Variants in MYH6 observed in about 807,000 individuals in gnomAD.
MYH6 encodes the protein myosin-6.
A neutral mutation model predicts 223.2 loss-of-function variants in MYH6; 126 were observed. That is an observed-to-expected ratio of 0.56 (90% CI 0.49 to 0.65). The LOEUF (loss-of-function observed/expected upper bound fraction) is 0.65. Among genes scored for constraint, MYH6 ranks in the 30% least tolerant of loss-of-function variants. The pLI, the probability that MYH6 is intolerant of heterozygous loss-of-function variation, is 0.00. For synonymous variants in MYH6, 978 were observed against 1,010.2 expected, an observed-to-expected ratio of 0.97 and a Z score of 0.61; for missense variants, 2,040 against 2,536.4, an observed-to-expected ratio of 0.80 and a Z score of 4.20.
Position 23,393,345 on chromosome 14 carries a change from A to G in MYH6, c.3102T>C (p.Asp1034=), listed in dbSNP as rs777715855. 16 of 1,614,014 alleles carry G rather than the reference A, an allele frequency of 9.9e-6. No individual in the cohort carries two copies. The South Asian group carries it at 1.6e-4, about 17-fold the overall frequency. The change falls in exon 23 of 39, where the codon GAT becomes GAC. Residue 1034 remains aspartate, a synonymous_variant. Transcript: ENST00000405093. ...KSKVKLEQQV[D]DLEGSLEQEK... ...GAGCATGGTTCTTACTACTCACATC[A>G]TCCACCTGCTGCTCCAGCTTGACCT...
intron 20 of MYH6, among the ~76,000 whole-genome samples, chr14:23,394,588 C>T (rs1891339105): frequency 6.6e-6 from 1 of 152,194 alleles, no homozygotes; most frequent in Non-Finnish European, 1.5e-5. Context: ...TTTCTATTCT[C>T]ATAAGAACTT....
At chr14:23,403,537 C>G in intron 9 of MYH6, 91 bp from the exon 10 acceptor site, 2 of 1,240,050 alleles carry the variant, frequency 1.6e-6, no homozygotes, top group Non-Finnish European at 2.4e-6. Context: ...GCAGGGGGCA[C>G]CCACAGCTTG....
Position 23,397,422 on chromosome 14 carries a change from C to A in MYH6, c.1962+121G>T. ...TTTGTGGAATCTACACACTAAAAAA[C>A]GACTACGTAGCCCTAGCTTCTTTCC... is the stretch of plus-strand genomic sequence containing the variant. On this transcript the variant is annotated intron_variant, in intron 16 of 38. Coordinates refer to ENST00000405093, the MANE Select transcript of MYH6 (RefSeq NM_002471.4). 11 of 1,345,814 alleles carry A rather than the reference C, an allele frequency of 8.2e-6. No homozygotes were observed. In the South Asian group the frequency reaches 1.2e-4, roughly 14 times the overall value. The allele number at this position is 1,345,814 out of a possible 1,614,324, so 83.4% of individuals were successfully genotyped here.
At position 23,388,162 on chromosome 14, in the gene MYH6, A is replaced by T; in HGVS notation, c.4352T>A (p.Phe1451Tyr). 4 of 1,612,194 alleles carry T rather than the reference A, an allele frequency of 2.5e-6. No homozygotes were observed. The highest frequency in any genetic ancestry group is 3.4e-6 in the Non-Finnish European group (4 of 1,180,016). ...CCCCCGCCCATGGTCCACCTTGTCA[A>T]AGTTTCTCTGCTTCTTGTCCAGGGC... is the stretch of plus-strand genomic sequence containing the variant. ...AAALDKKQRN[F>Y]DKILAEWKQK... Residue 1451 changes from phenylalanine to tyrosine, a missense_variant, in exon 30 of 39, where the codon TTT becomes TAT. Physicochemically the swap from Phe to Tyr is conservative, Grantham distance 22 (BLOSUM62 3). Coordinates refer to ENST00000405093, the MANE Select transcript of MYH6 (RefSeq NM_002471.4).
chr14:23,405,485 C>T lies in MYH6; in HGVS notation c.346-106G>A. The T allele has an allele frequency of 6.2e-7, 1 of 1,600,150 alleles. No homozygotes were observed. The stretch of plus-strand genomic sequence containing the variant: ...GTTCACTCCAGCTGGCTCTACTCCT[C>T]CTGCAGCTGACTAGGGGTGGAGGGG... On this transcript the variant is annotated intron_variant, in intron 4 of 38. Transcript: ENST00000405093. This position sits in a 1 kb window ranked among gnomAD's most constrained non-coding sequence, Gnocchi z 4.7.
chr14:23,407,650 G>A lies in MYH6; in HGVS notation c.-46-42C>T, dbSNP rs1891830905. 1 of 1,107,796 alleles carries A rather than the reference G, an allele frequency of 9.0e-7. No individual in the cohort carries two copies. The highest frequency in any genetic ancestry group is 2.5e-5 in the South Asian group (1 of 40,386). The allele number at this position is 1,107,796 out of a possible 1,614,324, so 68.6% of individuals were successfully genotyped here. On this transcript the variant is annotated intron_variant, in intron 1 of 38. Coordinates refer to ENST00000405093, the MANE Select transcript of MYH6 (RefSeq NM_002471.4). This position sits in a 1 kb window ranked among gnomAD's most constrained non-coding sequence, Gnocchi z 5.6. ...GCAAGGAACAACAGAGGTAGAGCCG[G>A]GCAGAGAGAAGAACAGATGAGGAGA...
At position 23,400,791 on chromosome 14, in the gene MYH6, C is replaced by T. The variant is rs202096001; in HGVS notation, c.1328G>A (p.Arg443His). ...CTTGGTCTCCAGGGTGGCGTTGATGCGCGTCACCATCCAGTTGAACATCTT... is the reference window on the plus strand; with the variant it reads ...CTTGGTCTCCAGGGTGGCGTTGATGTGCGTCACCATCCAGTTGAACATCTT... ...YEKMFNWMVT[R>H]INATLETKQP... Residue 443 changes from arginine to histidine, a missense_variant, in exon 13 of 39, where the codon CGC becomes CAC. Physicochemically the swap from Arg to His is conservative, Grantham distance 29 (BLOSUM62 0). Transcript: ENST00000405093. 101 of 1,614,064 alleles carry T rather than the reference C, an allele frequency of 6.3e-5. 1 individual carries two copies. Among genetic ancestry groups the T allele is most frequent in the South Asian group, 5.6e-4 (51 of 91,082 alleles).
chr14:23,390,701 GCT>G (rs1891214177), intron 25 of MYH6, among the ~76,000 whole-genome samples: 1 of 152,060 alleles, frequency 6.6e-6, no homozygotes, highest in African/African-American at 2.4e-5. Flanking sequence ...TAGGAATTTG[GCT>G]GAAGCTCCCA....
Position 23,383,339 on chromosome 14 carries a change from G to GGGGGGGGGGGGGCCCCCCCC in MYH6, c.5566-20_5566-19insGGGGGGGGCCCCCCCCCCCC. 3 of 108,168 alleles carry GGGGGGGGGGGGGCCCCCCCC rather than the reference G, an allele frequency of 2.8e-5. No individual in the cohort carries two copies. Among genetic ancestry groups the GGGGGGGGGGGGGCCCCCCCC allele is most frequent in the East Asian group, 4.5e-4 (2 of 4,408 alleles). 6.7% of individuals were successfully genotyped at this position (108,168 alleles called of 1,614,324 possible). ...CCTCTGTCTGGGGGTGGGAGGGTGG[G>GGGGGGGGGGGGGCCCCCCCC]AGAAGCTGGTTTGGAGGGGGAGCAA... On this transcript the variant is annotated intron_variant, in intron 36 of 38. Transcript: ENST00000405093.
At chr14:23,382,723 C>G (rs1323040847) in intron 37 of MYH6, among the ~76,000 whole-genome samples, 161 bp from the exon 38 acceptor site, 5 of 152,204 alleles carry the variant, frequency 3.3e-5, no homozygotes, top group Non-Finnish European at 7.3e-5. Flanking sequence ...GCCTTGCACT[C>G]TTCTCAAACA....
chr14:23,388,625 C>A (rs777708160), intron 29 of MYH6: 8 of 860,370 alleles, frequency 9.3e-6, no homozygotes, highest in African/African-American at 1.6e-5. Flanking sequence ...TCGTCTTATA[C>A]GTGAGCATCA....
At position 23,383,291 on chromosome 14, in the gene MYH6, C is replaced by T. The variant is rs1304528691; in HGVS notation, c.5595G>A (p.Arg1865=). 1 of 1,361,236 alleles carries T rather than the reference C, an allele frequency of 7.3e-7. No homozygotes were observed. The highest frequency in any genetic ancestry group is 2.0e-5 in the Admixed American group (1 of 50,766). The allele number at this position is 1,361,236 out of a possible 1,614,324, so 84.3% of individuals were successfully genotyped here. A position where few individuals can be genotyped will look rare whatever the true frequency, so the allele number is the denominator to read the frequency against. Residue 1865 remains arginine (R), a synonymous_variant, in exon 37 of 39, where the codon CGG becomes CGA. Coordinates refer to ENST00000405093, the MANE Select transcript of MYH6 (RefSeq NM_002471.4). ...GCAGCTTGTCCACCAGGTCCTGTAG[C>T]CGCAGCAGGTTCTTTTTGTCTTCCT... ...QTEEDKKNLL[R]LQDLVDKLQL...
intron 15 of MYH6, among the ~76,000 whole-genome samples, chr14:23,397,932 C>CTCCTCCTCCTCCTCCTCT (rs1891452078): frequency 3.3e-5 from 3 of 90,218 alleles, no homozygotes; most frequent in African/African-American, 1.3e-4. Context: ...CCTCCTCCTC[C>CTCCTCCTCCTCCTCCTCT]TCTTCTTCTT....
At position 23,382,527 on chromosome 14, in the gene MYH6, G is replaced by A. The variant is rs775631317; in HGVS notation, c.5697C>T (p.Arg1899=). 2.5e-6 allele frequency: 4 copies of A among 1,614,130 alleles called. No homozygotes were observed. The highest frequency in any genetic ancestry group is 3.4e-6 in the Non-Finnish European group (4 of 1,180,014). ...EQANTNLSKF[R]KVQHELDEAE... is the part of the protein sequence containing the mutation. ...CCTCATCCAGCTCATGCTGCACCTTGCGGAACTTGGACAGGTTGGTGTTGG... is the reference window on the plus strand; with the variant it reads ...CCTCATCCAGCTCATGCTGCACCTTACGGAACTTGGACAGGTTGGTGTTGG... The change falls in exon 38 of 39, where the codon CGC becomes CGT. Residue 1899 remains arginine (R), a synonymous_variant. Transcript: ENST00000405093.
At chr14:23,404,684 C>G (rs1891723242) in intron 7 of MYH6, 27 bp downstream of exon 7, 1 of 1,604,896 alleles carries the variant, frequency 6.2e-7, no homozygotes, top group Non-Finnish European at 8.5e-7. Context: ...AACCCCTGTT[C>G]TGCCGAGCCT....
At position 23,386,028 on chromosome 14, in the gene MYH6, T is replaced by C. The variant is rs1019706262; in HGVS notation, c.5063A>G (p.Glu1688Gly). Residue 1688 changes from glutamate to glycine, a missense_variant, in exon 34 of 39, where the codon GAG becomes GGG. This residue lies in a region of MYH6 where 1,203 missense variants were observed against 1,400.2 expected (regional missense o/e 0.86). Transcript: ENST00000405093. ...RRNNLLQAEL[E>G]ELRAVVEQTE... Reference sequence around the variant, plus strand: ...CTGCTCCACCACGGCACGCAGCTCCTCCAGCTCAGCCTGCAGCAGGTTGTT... The same window carrying C: ...CTGCTCCACCACGGCACGCAGCTCCCCCAGCTCAGCCTGCAGCAGGTTGTT... The C allele has an allele frequency of 6.2e-7, 1 of 1,614,194 alleles. No homozygotes were observed. Among genetic ancestry groups the C allele is most frequent in the African/African-American group, 1.3e-5 (1 of 75,048 alleles).
chr14:23,394,192 A>G lies in MYH6; in HGVS notation c.2561T>C (p.Met854Thr). ...TTTGATGCGCCCGAACTCTTCCTTCATGGTGGCCATCTCCTTCTCCGTCTC... is the reference window on the plus strand; with the variant it reads ...TTTGATGCGCCCGAACTCTTCCTTCGTGGTGGCCATCTCCTTCTCCGTCTC... Reference protein sequence around the residue: ...SAETEKEMATMKEEFGRIKET... With the variant: ...SAETEKEMATTKEEFGRIKET... The change falls in exon 21 of 39, where the codon ATG becomes ACG. Residue 854 changes from methionine (M) to threonine (T), a missense_variant. Physicochemically the swap from Met to Thr is moderately conservative, Grantham distance 81. This residue lies in a region of MYH6 where 649 missense variants were observed against 877.3 expected (regional missense o/e 0.74). Coordinates refer to ENST00000405093, the MANE Select transcript of MYH6 (RefSeq NM_002471.4). 6.2e-7 allele frequency: 1 copy of G among 1,614,180 alleles called. No individual in the cohort carries two copies. Among genetic ancestry groups the G allele is most frequent in the Non-Finnish European group, 8.5e-7 (1 of 1,180,030 alleles).
At position 23,395,238 on chromosome 14, in the gene MYH6, G is replaced by C. The variant is rs549952679; in HGVS notation, c.2430-915C>G. On this transcript the variant is annotated intron_variant, in intron 20 of 38. Coordinates refer to ENST00000405093, the MANE Select transcript of MYH6 (RefSeq NM_002471.4). ...AGCTTTATAAAAATTGCATCATACTGTATGTATCCTTCCAAGATTTGCCTT... is the reference window on the plus strand; with the variant it reads ...AGCTTTATAAAAATTGCATCATACTCTATGTATCCTTCCAAGATTTGCCTT... 1.4e-4 allele frequency among the ~76,000 whole-genome samples: 21 copies of C among 152,330 alleles called. 1 individual carries two copies. The highest frequency in any genetic ancestry group is 4.1e-4 in the South Asian group (2 of 4,826).
At chr14:23,391,239 G>C (rs986560049) in intron 25 of MYH6, among the ~76,000 whole-genome samples, 6 of 152,196 alleles carry the variant, frequency 3.9e-5, no homozygotes, top group Non-Finnish European at 8.8e-5. Flanking sequence ...CAGCTTTAAT[G>C]GACTGTTCAT....
Sources: gnomAD v4.1 joint callset for allele counts (sites outside exome capture counted in the v4.1 genomes callset) on GRCh38, gnomAD v4.1.1 for gene constraint, gnomAD v4.1.1 regional missense constraint, Gnocchi (gnomAD v3.1) non-coding constraint, MANE v1.5 for transcripts, NCBI Gene and HGNC (gene_info 2026-07-23, HGNC 2026-07-21) for gene names.